CCSER1: variants seen among roughly 807,000 people sequenced by gnomAD.
CCSER1 encodes coiled-coil serine rich protein 1, also known as serine-rich coiled-coil domain-containing protein 1.
A neutral mutation model predicts 82.0 loss-of-function variants in CCSER1; 41 were observed. That is an observed-to-expected ratio of 0.50 (90% CI 0.39 to 0.65). The LOEUF (loss-of-function observed/expected upper bound fraction) is 0.65. Ranked by LOEUF, CCSER1 falls within the 30% of genes least tolerant of loss-of-function variation. CCSER1 has a pLI of 0.00. For synonymous variants in CCSER1, 414 were observed against 383.9 expected (o/e 1.08, Z -0.92); for missense variants, 1,119 against 1,064.2 (o/e 1.05, Z -0.72).
Position 91,529,144 on chromosome 4 carries a change from C to A in CCSER1, c.2218-69428C>A, listed in dbSNP as rs145072477. On this transcript the variant is annotated intron_variant, in intron 10 of 10. Transcript: ENST00000509176. ...AATTGTATTTAATGACATTGGCATA[C>A]CCATAGATTAAATTAGTTTCAGATG... is the stretch of plus-strand genomic sequence containing the variant. 1.6e-3 allele frequency among the ~76,000 whole-genome samples: 248 copies of A among 152,134 alleles called. 2 individuals are homozygous for A. The highest frequency in any genetic ancestry group is 5.2e-3 in the African/African-American group (214 of 41,530).
intron 3 of CCSER1, among the ~76,000 whole-genome samples, chr4:90,391,485 T>TATATATACAC (rs1438072458): frequency 1.0e-4 from 8 of 76,648 alleles, no homozygotes; most frequent in Non-Finnish European, 1.3e-4. Flanking sequence ...TATATATATA[T>TATATATACAC]ACACACACAC....
chr4:90,956,397 A>G (rs1432288971), intron 9 of CCSER1, among the ~76,000 whole-genome samples: 1 of 152,162 alleles, frequency 6.6e-6, no homozygotes, highest in Non-Finnish European at 1.5e-5. Context: ...GAATAAAATT[A>G]AATACTATAT....
At chr4:91,219,308 CTTTTTT>C (rs59884169) in intron 10 of CCSER1, among the ~76,000 whole-genome samples, 1,321 of 99,908 alleles carry the variant, frequency 0.013, 26 homozygotes, top group African/African-American at 0.044. Flanking sequence ...TACAGTTTGG[CTTTTTT>C]TTTTTTTTTT....
intron 10 of CCSER1, among the ~76,000 whole-genome samples, chr4:91,181,653 G>A (rs924589385): frequency 6.6e-6 from 1 of 152,154 alleles, no homozygotes; most frequent in African/African-American, 2.4e-5. Flanking sequence ...AGAGGTGCAA[G>A]TCAAGCTAAA....
chr4:90,413,266 G>T (rs188293437), intron 4 of CCSER1, among the ~76,000 whole-genome samples: 6 of 152,140 alleles, frequency 3.9e-5, no homozygotes, highest in African/African-American at 1.4e-4. Flanking sequence ...CCTCTACAAG[G>T]TAAACTACAA....
At chr4:90,143,853 G>A (rs1725290734) in intron 1 of CCSER1, among the ~76,000 whole-genome samples, 1 of 150,782 alleles carries the variant, frequency 6.6e-6, no homozygotes, top group South Asian at 2.1e-4. Context: ...CCCAAGTCAT[G>A]TTTTGTTGTT....
At chr4:91,313,392 G>T (rs1745625123) in intron 10 of CCSER1, among the ~76,000 whole-genome samples, 1 of 151,750 alleles carries the variant, frequency 6.6e-6, no homozygotes, top group Non-Finnish European at 1.5e-5. Context: ...TCTTTCTAAA[G>T]ATCTTATTTG....
intron 5 of CCSER1, among the ~76,000 whole-genome samples, chr4:90,623,114 GC>G (rs1722651380): frequency 6.9e-6 from 1 of 144,644 alleles, no homozygotes; most frequent in Non-Finnish European, 1.5e-5. Context: ...TGCAAGCTTC[GC>G]CCCCCAGGTT....
intron 3 of CCSER1, among the ~76,000 whole-genome samples, chr4:90,379,714 G>A (rs1434407963): frequency 6.6e-6 from 1 of 152,090 alleles, no homozygotes; most frequent in Non-Finnish European, 1.5e-5. Flanking sequence ...TATATGATAT[G>A]GTATAAGAAA....
At chr4:91,254,441 A>G (rs929499899) in intron 10 of CCSER1, among the ~76,000 whole-genome samples, 1 of 152,204 alleles carries the variant, frequency 6.6e-6, no homozygotes, top group Non-Finnish European at 1.5e-5. Flanking sequence ...GAAATAAGCC[A>G]ATCATAAAAT....
At position 91,464,707 on chromosome 4, in the gene CCSER1, A is replaced by G. The variant is rs112156031; in HGVS notation, c.2218-133865A>G. ...AAAAAATGGCAGGACTTGCAATCCT[A>G]GTCCCTGGTAAAACAGACTTTAAAC... On this transcript the variant is annotated intron_variant, in intron 10 of 10. Coordinates refer to ENST00000509176, the MANE Select transcript of CCSER1 (RefSeq NM_001145065.2). 9.2e-4 allele frequency among the ~76,000 whole-genome samples: 140 copies of G among 152,340 alleles called. 1 individual carries two copies. The highest frequency in any genetic ancestry group is 1.2e-3 in the Non-Finnish European group (81 of 68,038).
intron 1 of CCSER1, among the ~76,000 whole-genome samples, chr4:90,187,673 AT>A (rs1734868559): frequency 6.6e-6 from 1 of 151,964 alleles, no homozygotes; most frequent in African/African-American, 2.4e-5. Flanking sequence ...AAAAAATGTC[AT>A]TTATAATACT....
chr4:90,613,554 A>G (rs1433404108), intron 5 of CCSER1, among the ~76,000 whole-genome samples: 1 of 152,166 alleles, frequency 6.6e-6, no homozygotes, highest in East Asian at 1.9e-4. Context: ...CACTTCTGGG[A>G]ACCATAATCT....
chr4:91,101,787 G>A (rs905696630), intron 10 of CCSER1, among the ~76,000 whole-genome samples: 1 of 152,222 alleles, frequency 6.6e-6, no homozygotes. Context: ...CTGAACTCCT[G>A]AGTCTTTAGA....
At position 90,206,010 on chromosome 4, in the gene CCSER1, A is replaced by T. The variant is rs371562244; in HGVS notation, c.-42+78179A>T. ...AGGGGTGTTTATAGTATTCTCTGATAGAAGTTTGTATTTTTGTGGGATCAG... is the reference window on the plus strand; with the variant it reads ...AGGGGTGTTTATAGTATTCTCTGATTGAAGTTTGTATTTTTGTGGGATCAG... On this transcript the variant is annotated intron_variant, in intron 1 of 10. Coordinates refer to ENST00000509176, the MANE Select transcript of CCSER1 (RefSeq NM_001145065.2). Among the ~76,000 whole-genome samples the T allele has an allele frequency of 3.9e-5, 6 of 152,118 alleles. 1 individual carries two copies. Among genetic ancestry groups the T allele is most frequent in the African/African-American group, 1.4e-4 (6 of 41,536 alleles).
At chr4:90,342,491 A>G (rs896435635) in intron 3 of CCSER1, among the ~76,000 whole-genome samples, 1 of 152,172 alleles carries the variant, frequency 6.6e-6, no homozygotes. Flanking sequence ...AGACAATGAG[A>G]GTTCTACTCA....
At chr4:91,336,009 G>T (rs1747300355) in intron 10 of CCSER1, among the ~76,000 whole-genome samples, 2 of 152,026 alleles carry the variant, frequency 1.3e-5, no homozygotes, top group Non-Finnish European at 2.9e-5. Context: ...CTTTGATCAT[G>T]AATTGTAAAG....
At chr4:90,359,301 T>C (rs912650601) in intron 3 of CCSER1, among the ~76,000 whole-genome samples, 2 of 152,224 alleles carry the variant, frequency 1.3e-5, no homozygotes, top group African/African-American at 2.4e-5. Flanking sequence ...TGTAAGCTAA[T>C]ATAAAAATGA....
At chr4:91,477,108 A>G (rs1308481326) in intron 10 of CCSER1, among the ~76,000 whole-genome samples, 1 of 151,838 alleles carries the variant, frequency 6.6e-6, no homozygotes, top group Non-Finnish European at 1.5e-5. Context: ...AGAAAAGGAT[A>G]CAATCAACAA....
Sources: gnomAD v4.1 joint callset for allele counts (sites outside exome capture counted in the v4.1 genomes callset) on GRCh38, gnomAD v4.1.1 for gene constraint, MANE v1.5 for transcripts, NCBI Gene and HGNC (gene_info 2026-07-23, HGNC 2026-07-21) for gene names.